Variants in MAPKAPK2 observed in about 807,000 individuals in gnomAD.
MAPKAPK2 encodes the protein MAPK activated protein kinase 2, also known as MAP kinase-activated protein kinase 2.
In MAPKAPK2, 9 loss-of-function variants were observed where a neutral mutation model predicts 48.8. That is an observed-to-expected ratio of 0.18 (90% CI 0.11 to 0.32). The LOEUF is 0.32. Among genes scored for constraint, MAPKAPK2 ranks in the 10% least tolerant of loss-of-function variants. The probability of loss-of-function intolerance (pLI) is 1.00; values close to 1 mark genes in which losing one functional copy is unlikely to be tolerated. For synonymous variants in MAPKAPK2, 202 were observed against 190.6 expected (o/e 1.06, Z -0.49); for missense variants, 331 against 498.3 (o/e 0.66, Z 3.20).
chr1:206,716,000 G>GT (rs79596770), intron 1 of MAPKAPK2, among the ~76,000 whole-genome samples: 1,829 of 140,606 alleles, frequency 0.013, 26 homozygotes, highest in African/African-American at 0.039. Flanking sequence ...TTTTGTCTCA[G>GT]TTTTTTTTTT....
chr1:206,718,661 C>CT (rs2102404670), intron 1 of MAPKAPK2, among the ~76,000 whole-genome samples: 1 of 152,246 alleles, frequency 6.6e-6, no homozygotes, highest in South Asian at 2.1e-4. Context: ...GGAGCTGCCT[C>CT]TTTCTTCTAC....
At chr1:206,702,035 G>C (rs1465489019) in intron 1 of MAPKAPK2, among the ~76,000 whole-genome samples, 1 of 152,108 alleles carries the variant, frequency 6.6e-6, no homozygotes, top group African/African-American at 2.4e-5. Flanking sequence ...CCTGGAATGT[G>C]CATTTTTAAT....
intron 1 of MAPKAPK2, among the ~76,000 whole-genome samples, chr1:206,721,546 G>A (rs1311013554): frequency 6.6e-6 from 1 of 152,186 alleles, no homozygotes; most frequent in East Asian, 1.9e-4. Flanking sequence ...ATTTCTGGCT[G>A]TTGCTGTTGT....
At chr1:206,703,340 A>G (rs1341257768) in intron 1 of MAPKAPK2, among the ~76,000 whole-genome samples, 1 of 152,284 alleles carries the variant, frequency 6.6e-6, no homozygotes, top group Non-Finnish European at 1.5e-5. Context: ...GACAAATGGA[A>G]TAATGAGTGG....
chr1:206,721,367 G>A (rs1673515134), intron 1 of MAPKAPK2, among the ~76,000 whole-genome samples: 1 of 152,172 alleles, frequency 6.6e-6, no homozygotes, highest in South Asian at 2.1e-4. Context: ...TTTCTTAATA[G>A]CAATGCAAAG....
At chr1:206,726,892 G>T (rs1673717389) in intron 1 of MAPKAPK2, among the ~76,000 whole-genome samples, 1 of 152,136 alleles carries the variant, frequency 6.6e-6, no homozygotes, top group Non-Finnish European at 1.5e-5. Context: ...CTCCATCATG[G>T]CCATCTGATC....
At chr1:206,708,383 A>G (rs1553428928) in intron 1 of MAPKAPK2, among the ~76,000 whole-genome samples, 1 of 152,214 alleles carries the variant, frequency 6.6e-6, no homozygotes, top group Non-Finnish European at 1.5e-5. Flanking sequence ...AACTGGAAAG[A>G]ATTGTACAGT....
At chr1:206,712,850 C>T (rs1189546092) in intron 1 of MAPKAPK2, among the ~76,000 whole-genome samples, 2 of 151,824 alleles carry the variant, frequency 1.3e-5, no homozygotes, top group African/African-American at 4.8e-5. Flanking sequence ...CCTGTAGTCC[C>T]AGCTACTCAG....
intron 1 of MAPKAPK2, among the ~76,000 whole-genome samples, chr1:206,710,401 GA>G (rs769492864): frequency 5.3e-5 from 8 of 152,310 alleles, no homozygotes; most frequent in Non-Finnish European, 1.2e-4. Context: ...CTCCTAGTGA[GA>G]AACTCGTGAC....
intron 1 of MAPKAPK2, among the ~76,000 whole-genome samples, chr1:206,691,989 C>G (rs1672476594): frequency 6.6e-6 from 1 of 152,240 alleles, no homozygotes; most frequent in African/African-American, 2.4e-5. Context: ...TGTGCATCTT[C>G]TCTTTCCTTA....
rs568603764 is a variant in MAPKAPK2 at position 206,733,264 on chromosome 1, A to G, written c.*546A>G. 1 of 147,604 alleles carries G rather than the reference A, an allele frequency of 6.8e-6. No homozygotes were observed. Among genetic ancestry groups the G allele is most frequent in the South Asian group, 2.1e-4 (1 of 4,750 alleles). 9.1% of individuals were successfully genotyped at this position (147,604 alleles called of 1,614,324 possible). A position where few individuals can be genotyped will look rare whatever the true frequency, so the allele number is the denominator to read the frequency against. ...CTCAGACATCTCCAGTGTGCCAGACAAATAGGAGTGAGTGTATGTGTGTGT... is the reference window on the plus strand; with the variant it reads ...CTCAGACATCTCCAGTGTGCCAGACGAATAGGAGTGAGTGTATGTGTGTGT... On this transcript the variant is annotated 3_prime_UTR_variant, in exon 10 of 10. Transcript: ENST00000367103.
chr1:206,691,880 A>G (rs1009909675), intron 1 of MAPKAPK2, among the ~76,000 whole-genome samples: 5 of 152,174 alleles, frequency 3.3e-5, no homozygotes, highest in Non-Finnish European at 5.9e-5. Context: ...TTAATGAATA[A>G]TCATCACTGA....
rs1553425433 is a variant in MAPKAPK2, at chr1:206,685,415, C to T, written c.186C>T (p.Asp62=). ...LQIKKNAIID[D]YKVTSQVLGL... ...TCAAGAAGAACGCCATCATCGATGA[C>T]TACAAGGTCACCAGCCAGGTCCTGG... The change falls in exon 1 of 10, where the codon GAC becomes GAT. Residue 62 remains aspartate (D), a synonymous_variant. Transcript: ENST00000367103. 6.5e-6 allele frequency: 10 copies of T among 1,538,862 alleles called. No individual in the cohort carries two copies. The highest frequency in any genetic ancestry group is 6.2e-6 in the Non-Finnish European group (7 of 1,136,804).
intron 1 of MAPKAPK2, among the ~76,000 whole-genome samples, chr1:206,699,480 C>T (rs959667579): frequency 3.3e-5 from 5 of 152,106 alleles, no homozygotes; most frequent in African/African-American, 9.7e-5. Flanking sequence ...ACTGGGGCTC[C>T]GTATTTTGTC....
Position 206,696,608 on chromosome 1 carries a change from G to A in MAPKAPK2, c.279+11100G>A, listed in dbSNP as rs568087583. Among the ~76,000 whole-genome samples the A allele has an allele frequency of 5.9e-5, 9 of 152,320 alleles. 2 individuals are homozygous for A. The highest frequency in any genetic ancestry group is 2.2e-4 in the African/African-American group (9 of 41,574). On this transcript the variant is annotated intron_variant, in intron 1 of 9. Transcript: ENST00000367103. ...AGTTTCAGCTACTCAGGAGGCTGAG[G>A]TGGGAGGATCACTTGAGCCCAGGAA...
chr1:206,696,719 A>G (rs1558574902), intron 1 of MAPKAPK2, among the ~76,000 whole-genome samples: 1 of 152,174 alleles, frequency 6.6e-6, no homozygotes, highest in African/African-American at 2.4e-5. Context: ...AAAGAATCCT[A>G]GAGTATTTTG....
chr1:206,706,316 C>A (rs1672957858), intron 1 of MAPKAPK2, among the ~76,000 whole-genome samples: 3 of 152,072 alleles, frequency 2.0e-5, no homozygotes, highest in Admixed American at 2.0e-4. Context: ...GACCCAGAGT[C>A]ACTCAGATGG....
rs1673960839 is a variant in MAPKAPK2, at chr1:206,732,658, T to C, written c.1143T>C (p.Pro381=). 1 of 1,614,206 alleles carries C rather than the reference T, an allele frequency of 6.2e-7. No individual in the cohort carries two copies. Among genetic ancestry groups the C allele is most frequent in the African/African-American group, 1.3e-5 (1 of 75,060 alleles). Residue 381 remains proline (P), a synonymous_variant, in exon 10 of 10, where the codon CCT becomes CCC. Coordinates refer to ENST00000367103, the MANE Select transcript of MAPKAPK2 (RefSeq NM_032960.4). The surrounding 1 kb of genome is among the most constrained non-coding windows in gnomAD (Gnocchi z 4.4). ...KIKKIEDASN[P]LLLKRRKKAR... ...AAAAGATTGAAGATGCATCCAACCC[T>C]CTGCTGCTGAAGAGGCGGAAGAAAG... is the stretch of plus-strand genomic sequence containing the variant.
chr1:206,716,686 C>T (rs576483608), intron 1 of MAPKAPK2, among the ~76,000 whole-genome samples: 8 of 152,182 alleles, frequency 5.3e-5, no homozygotes, highest in Non-Finnish European at 8.8e-5. Flanking sequence ...CTTTGGCAGC[C>T]GCACAGGGTC....
Sources: gnomAD v4.1 joint callset for allele counts (sites outside exome capture counted in the v4.1 genomes callset) on GRCh38, gnomAD v4.1.1 for gene constraint, Gnocchi (gnomAD v3.1) non-coding constraint, MANE v1.5 for transcripts, NCBI Gene and HGNC (gene_info 2026-07-23, HGNC 2026-07-21) for gene names.